Variants in PRSS12 observed in about 807,000 individuals in gnomAD.
PRSS12 encodes serine protease 12.
In PRSS12, 85 loss-of-function variants were observed where a neutral mutation model predicts 104.4. The observed-to-expected ratio is 0.81, with a 90% CI of 0.68 to 0.98. The LOEUF is 0.98. PRSS12 is among the 50% of genes least tolerant of loss of function. PRSS12 has a pLI of 0.00. For missense variants in PRSS12, 1,141 were observed against 1,139.2 expected (o/e 1.00, Z -0.02); for synonymous variants, 454 against 425.2 (o/e 1.07, Z -0.83).
chr4:118,319,730 T>G (rs1216664214), intron 4 of PRSS12, among the ~76,000 whole-genome samples: 1 of 152,152 alleles, frequency 6.6e-6, no homozygotes, highest in African/African-American at 2.4e-5. Context: ...CAGGCTGGAG[T>G]GCAGCAGCGT....
chr4:118,327,747 G>A (rs2126039149), intron 4 of PRSS12, among the ~76,000 whole-genome samples: 1 of 152,260 alleles, frequency 6.6e-6, no homozygotes, highest in East Asian at 1.9e-4. Flanking sequence ...ACTTCACTGG[G>A]TACATATGCG....
chr4:118,308,365 CA>C, intron 8 of PRSS12, 70 bp downstream of exon 8: 1 of 1,586,112 alleles, frequency 6.3e-7, no homozygotes, highest in Non-Finnish European at 8.6e-7. Flanking sequence ...AAAAGTAACT[CA>C]TTAGATTAAG....
At chr4:118,340,188 A>C (rs895136871) in intron 1 of PRSS12, among the ~76,000 whole-genome samples, 1 of 152,220 alleles carries the variant, frequency 6.6e-6, no homozygotes, top group Non-Finnish European at 1.5e-5. Context: ...ATAGAGCTGG[A>C]AATAGTTTCC....
At chr4:118,351,796 G>A (rs1481703066) in intron 1 of PRSS12, among the ~76,000 whole-genome samples, 1 of 152,130 alleles carries the variant, frequency 6.6e-6, no homozygotes, top group Non-Finnish European at 1.5e-5. Flanking sequence ...TGATTGCCAC[G>A]TTAATGTAAC....
Position 118,331,881 on chromosome 4 carries a change from G to A in PRSS12, c.821-15C>T. 1 of 1,613,608 alleles carries A rather than the reference G, an allele frequency of 6.2e-7. No homozygotes were observed. The highest frequency in any genetic ancestry group is 8.5e-7 in the Non-Finnish European group (1 of 1,179,994). The stretch of plus-strand genomic sequence containing the variant: ...GAACGTTGGGCCTGTGCAATGTGAA[G>A]TTAAAAATAAGCAAAACCTATGCAT... On this transcript the variant is annotated splice_polypyrimidine_tract_variant and intron_variant, in intron 3 of 12. Transcript: ENST00000296498.
In PRSS12 at chr4:118,295,058, A is replaced by G; in HGVS notation, c.1920T>C (p.Gly640=). The change falls in exon 11 of 13, where the codon GGT becomes GGC. Residue 640 remains glycine (G), a synonymous_variant. Coordinates refer to ENST00000296498, the MANE Select transcript of PRSS12 (RefSeq NM_003619.4). ...RIIGGKNSLR[G]GWPWQVSLRL... ...GGAGGGAAACCTGCCAAGGCCAACC[A>G]CCCCTAAGAAGAAAATGAGCTACAC... The G allele has an allele frequency of 6.2e-7, 1 of 1,613,910 alleles. No individual in the cohort carries two copies. Among genetic ancestry groups the G allele is most frequent in the Admixed American group, 1.7e-5 (1 of 59,996 alleles).
rs749590934 is a variant in PRSS12 at position 118,295,851 on chromosome 4, G to A, written c.1843C>T (p.Leu615Phe). The change falls in exon 10 of 13, where the codon CTC becomes TTC. Residue 615 changes from leucine (L) to phenylalanine (F), a missense_variant. Leu to Phe is a conservative substitution (Grantham distance 22). Transcript: ENST00000296498. ...AATCTCAAGCCACAAACAGATGAGA[G>A]GGACTCTGAAGCAGAAATAGGTCAT... Reference protein sequence around the residue: ...KASGNSNKESLSSVCGLRLLH... With the variant: ...KASGNSNKESFSSVCGLRLLH... The A allele has an allele frequency of 6.2e-7, 1 of 1,613,780 alleles. No individual in the cohort carries two copies. Among genetic ancestry groups the A allele is most frequent in the African/African-American group, 1.3e-5 (1 of 74,914 alleles).
chr4:118,317,689 T>A (rs187725224), intron 5 of PRSS12, among the ~76,000 whole-genome samples: 1 of 152,296 alleles, frequency 6.6e-6, no homozygotes, highest in African/African-American at 2.4e-5. Flanking sequence ...ATGATATAAA[T>A]CTGGTATTTC....
intron 11 of PRSS12, among the ~76,000 whole-genome samples, chr4:118,289,991 A>C (rs1483052453): frequency 6.6e-6 from 1 of 152,200 alleles, no homozygotes; most frequent in Non-Finnish European, 1.5e-5. Flanking sequence ...CAGTTTGAAA[A>C]TATCATCATC....
chr4:118,295,990 T>C, intron 9 of PRSS12, 134 bp from the exon 10 acceptor site: 2 of 789,560 alleles, frequency 2.5e-6, no homozygotes. Flanking sequence ...ATTTTTCTTG[T>C]AACAAAAATA....
chr4:118,305,835 C>T (rs1391805953), intron 8 of PRSS12: 3 of 152,088 alleles, frequency 2.0e-5, no homozygotes, highest in Admixed American at 2.0e-4. Flanking sequence ...CCCTGATAAC[C>T]ACCATTCTAT....
At position 118,336,966 on chromosome 4, in the gene PRSS12, T is replaced by C. The variant is rs192305473; in HGVS notation, c.641+1210A>G. Among the ~76,000 whole-genome samples the C allele has an allele frequency of 1.2e-4, 18 of 152,352 alleles. No homozygotes were observed. The South Asian group carries it at 2.9e-3, about 25-fold the overall frequency. On this transcript the variant is annotated intron_variant, in intron 2 of 12. Coordinates refer to ENST00000296498, the MANE Select transcript of PRSS12 (RefSeq NM_003619.4). Reference sequence around the variant, plus strand: ...CATTTCCAAGCACCATAACACTTTATAGGCTCTGGCCTTACTCCTTCGTTC... The same window carrying C: ...CATTTCCAAGCACCATAACACTTTACAGGCTCTGGCCTTACTCCTTCGTTC...
intron 1 of PRSS12, among the ~76,000 whole-genome samples, chr4:118,342,003 C>A (rs1724224512): frequency 6.6e-6 from 1 of 152,096 alleles, no homozygotes; most frequent in Non-Finnish European, 1.5e-5. Flanking sequence ...ATAAAGTAGC[C>A]TGAAGTTTCT....
rs1289126776 is a variant in PRSS12, at chr4:118,316,455, T to A, written c.1151-132A>T. 4 of 1,124,226 alleles carry A rather than the reference T, an allele frequency of 3.6e-6. No homozygotes were observed. The African/African-American group carries it at 6.2e-5, about 17-fold the overall frequency. The allele number at this position is 1,124,226 out of a possible 1,614,324, so 69.6% of individuals were successfully genotyped here. A position where few individuals can be genotyped will look rare whatever the true frequency, so the allele number is the denominator to read the frequency against. On this transcript the variant is annotated intron_variant, in intron 5 of 12. Transcript: ENST00000296498. ...GGCCTTTTGCTAAACTTACATTACA[T>A]CTGTGCTAAATGACCCTCTGAGGTT...
intron 11 of PRSS12, among the ~76,000 whole-genome samples, chr4:118,284,219 A>G (rs1285347363): frequency 6.6e-6 from 1 of 152,156 alleles, no homozygotes; most frequent in Non-Finnish European, 1.5e-5. Context: ...CGCCACTGGT[A>G]CATGGTACAC....
chr4:118,306,934 T>C (rs2126031735), intron 8 of PRSS12, among the ~76,000 whole-genome samples: 1 of 152,076 alleles, frequency 6.6e-6, no homozygotes, highest in East Asian at 1.9e-4. Context: ...TAATACTAGG[T>C]TTCCTGGATC....
At chr4:118,316,833 A>AG (rs1723435352) in intron 5 of PRSS12, among the ~76,000 whole-genome samples, 1 of 37,220 alleles carries the variant, frequency 2.7e-5, no homozygotes, top group African/African-American at 6.5e-5. Context: ...CGGAAAAAAA[A>AG]AAAAATATAT....
At chr4:118,289,242 G>GTA (rs1412726421) in intron 11 of PRSS12, among the ~76,000 whole-genome samples, 2 of 152,146 alleles carry the variant, frequency 1.3e-5, no homozygotes, top group Non-Finnish European at 2.9e-5. Context: ...TTCTAATCCT[G>GTA]TATAATTAAA....
At position 118,352,534 on chromosome 4, in the gene PRSS12, G is replaced by A. The variant is rs1489810170; in HGVS notation, c.187C>T (p.Pro63Ser). ...GCCCGCGGGGGGCGCGGGAAGCGCG[G>A]GAGAGGCGGCGGCGGACGCGTCCTC... ...PPRTRPPPPL[P>S]RFPRPPRALP... Residue 63 changes from proline (P) to serine (S), a missense_variant, in exon 1 of 13, where the codon CCG becomes TCG. By Grantham distance (74) the Pro-to-Ser change is moderately conservative. Transcript: ENST00000296498. 1.1e-5 allele frequency: 16 copies of A among 1,497,090 alleles called. No individual in the cohort carries two copies. Among genetic ancestry groups the A allele is most frequent in the South Asian group, 3.8e-5 (3 of 78,744 alleles). 92.7% of individuals were successfully genotyped at this position (1,497,090 alleles called of 1,614,324 possible).
Sources: gnomAD v4.1 joint callset for allele counts (sites outside exome capture counted in the v4.1 genomes callset) on GRCh38, gnomAD v4.1.1 for gene constraint, MANE v1.5 for transcripts, NCBI Gene and HGNC (gene_info 2026-07-23, HGNC 2026-07-21) for gene names.